The following DLG2 variants were observed in gnomAD, a reference collection of about 807,000 sequenced individuals.
The protein encoded by DLG2 is discs large MAGUK scaffold protein 2, also known as disks large homolog 2.
In DLG2, 45 loss-of-function variants were observed where a neutral mutation model predicts 132.5. That is an observed-to-expected ratio of 0.34 (90% CI 0.27 to 0.44). The LOEUF (loss-of-function observed/expected upper bound fraction) is 0.44, where lower values mean the gene tolerates loss of function less well. DLG2 is among the 20% of genes least tolerant of loss of function. The pLI, the probability that DLG2 is intolerant of heterozygous loss-of-function variation, is 1.00. For missense variants in DLG2, 1,045 were observed against 1,196.9 expected (o/e 0.87, Z 1.87); for synonymous variants, 424 against 419.6 (o/e 1.01, Z -0.13).
intron 11 of DLG2, among the ~76,000 whole-genome samples, chr11:84,005,469 A>G (rs2094534891): frequency 6.6e-6 from 1 of 151,996 alleles, no homozygotes. Context: ...CCTTAAAACC[A>G]CGGACAACTA....
At chr11:84,081,801 T>C (rs972685831) in intron 10 of DLG2, among the ~76,000 whole-genome samples, 1 of 152,214 alleles carries the variant, frequency 6.6e-6, no homozygotes, top group African/African-American at 2.4e-5. Context: ...GTCTTTATAG[T>C]AGCATGATTT....
intron 3 of DLG2, among the ~76,000 whole-genome samples, chr11:85,298,671 T>C (rs1434559959): frequency 6.6e-6 from 1 of 152,166 alleles, no homozygotes; most frequent in Non-Finnish European, 1.5e-5. Context: ...AATACCAATA[T>C]TGGTAATATT....
At chr11:83,837,742 A>AG (rs1565278588) in intron 16 of DLG2, among the ~76,000 whole-genome samples, 2 of 150,504 alleles carry the variant, frequency 1.3e-5, no homozygotes, top group East Asian at 3.9e-4. Context: ...AAAAAAAAAA[A>AG]AAAAAGAAAA....
At chr11:83,817,314 C>A (rs534224438) in intron 17 of DLG2, among the ~76,000 whole-genome samples, 1 of 152,046 alleles carries the variant, frequency 6.6e-6, no homozygotes, top group Non-Finnish European at 1.5e-5. Flanking sequence ...ATATAACAAT[C>A]TAAGATTTGA....
At chr11:84,720,273 A>C (rs953959428) in intron 6 of DLG2, 2 of 985,348 alleles carry the variant, frequency 2.0e-6, no homozygotes, top group Admixed American at 1.2e-4. Flanking sequence ...ACATGCATTA[A>C]AAAGACATGA....
intron 6 of DLG2, among the ~76,000 whole-genome samples, chr11:84,937,139 TA>T (rs1347429814): frequency 3.3e-5 from 5 of 152,118 alleles, no homozygotes; most frequent in Non-Finnish European, 7.4e-5. Flanking sequence ...GCAACAGAGC[TA>T]AACTCCCTCT....
At chr11:83,878,739 A>G (rs2065394573) in intron 15 of DLG2, among the ~76,000 whole-genome samples, 2 of 152,136 alleles carry the variant, frequency 1.3e-5, no homozygotes. Flanking sequence ...GGGTGGGTAG[A>G]ATGAGCATGA....
rs369056062 is a variant in DLG2 at position 84,308,072 on chromosome 11, A to G, written c.520-56781T>C. Among the ~76,000 whole-genome samples, 124 of 152,302 alleles carry G rather than the reference A, an allele frequency of 8.1e-4. 1 individual carries two copies. The South Asian group carries it at 0.013, about 16-fold the overall frequency. Reference sequence around the variant, plus strand: ...AACAAAGCCCCCACAACGCAGAAGTAGACCCCAGCAGGTTGCCACTGCTGG... The same window carrying G: ...AACAAAGCCCCCACAACGCAGAAGTGGACCCCAGCAGGTTGCCACTGCTGG... On this transcript the variant is annotated intron_variant, in intron 7 of 27. Coordinates refer to ENST00000376104, the MANE Select transcript of DLG2 (RefSeq NM_001142699.3).
intron 5 of DLG2, among the ~76,000 whole-genome samples, chr11:85,136,671 T>C (rs1431277262): frequency 2.0e-5 from 3 of 152,206 alleles, no homozygotes; most frequent in Admixed American, 6.5e-5. Flanking sequence ...ATTACTCTTG[T>C]AAATTACTTG....
intron 16 of DLG2, among the ~76,000 whole-genome samples, chr11:83,846,197 G>A (rs2154024241): frequency 6.6e-6 from 1 of 152,356 alleles, no homozygotes; most frequent in South Asian, 2.1e-4. Flanking sequence ...TACATGGCAT[G>A]AGCCTAGGGC....
intron 16 of DLG2, among the ~76,000 whole-genome samples, chr11:83,836,938 C>T (rs1340322967): frequency 6.6e-6 from 1 of 152,132 alleles, no homozygotes; most frequent in Non-Finnish European, 1.5e-5. Flanking sequence ...AGACACAGAG[C>T]ATTCACCTCA....
At chr11:84,637,814 C>A (rs2154544693) in intron 6 of DLG2, among the ~76,000 whole-genome samples, 1 of 152,280 alleles carries the variant, frequency 6.6e-6, no homozygotes, top group Non-Finnish European at 1.5e-5. Flanking sequence ...GCAGTCTCTT[C>A]AAAACATGAC....
At chr11:84,590,668 G>A (rs1366681003) in intron 6 of DLG2, among the ~76,000 whole-genome samples, 1 of 152,104 alleles carries the variant, frequency 6.6e-6, no homozygotes, top group Non-Finnish European at 1.5e-5. Flanking sequence ...TCTAACATAT[G>A]AAGGTGTTCC....
At chr11:84,058,476 C>A (rs1329999099) in intron 11 of DLG2, among the ~76,000 whole-genome samples, 1 of 147,916 alleles carries the variant, frequency 6.8e-6, no homozygotes, top group Non-Finnish European at 1.5e-5. Flanking sequence ...GGCAACAAAG[C>A]AAGGGTCTGT....
At chr11:85,588,242 T>C (rs1476778080) in intron 3 of DLG2, among the ~76,000 whole-genome samples, 2 of 152,224 alleles carry the variant, frequency 1.3e-5, no homozygotes, top group Admixed American at 6.5e-5. Context: ...TTTGGATGTT[T>C]AGTTCTCTGG....
At chr11:83,772,593 GAGGAAGAAAGGAAGGA>G (rs925635277) in intron 18 of DLG2, among the ~76,000 whole-genome samples, 8 of 151,492 alleles carry the variant, frequency 5.3e-5, no homozygotes, top group Non-Finnish European at 1.2e-4. Flanking sequence ...AAAAGAGAGA[GAGGAAGAAAGGAAGGA>G]AGGAAGAAAG....
intron 6 of DLG2, among the ~76,000 whole-genome samples, chr11:84,916,142 G>A (rs1490787203): frequency 1.3e-5 from 2 of 151,538 alleles, no homozygotes; most frequent in Non-Finnish European, 2.9e-5. Flanking sequence ...TCAGGAGATC[G>A]AGACCATCCC....
intron 15 of DLG2, among the ~76,000 whole-genome samples, chr11:83,898,443 A>G (rs186734134): frequency 6.6e-6 from 1 of 152,200 alleles, no homozygotes; most frequent in Admixed American, 6.5e-5. Flanking sequence ...GAAGATAGAA[A>G]AGTCATAACG....
chr11:84,985,736 G>A (rs117206221), intron 6 of DLG2, among the ~76,000 whole-genome samples: 2,990 of 152,226 alleles, frequency 0.02, 55 homozygotes, highest in Admixed American at 0.042. Flanking sequence ...GCTCATGCCT[G>A]TAATCCCAGC....
Sources: allele counts gnomAD v4.1 joint callset (sites outside exome capture counted in the v4.1 genomes callset), GRCh38; gene constraint gnomAD v4.1.1; transcripts MANE v1.5; gene names NCBI Gene and HGNC (gene_info 2026-07-23, HGNC 2026-07-21).